MPZ: variants seen among roughly 807,000 people sequenced by gnomAD.
The protein encoded by MPZ is myelin protein P0.
MPZ carries 13 observed loss-of-function variants against 27.9 expected under a neutral mutation model. The ratio of observed to expected loss-of-function variants is 0.47; its 90% CI spans 0.30 to 0.74. The LOEUF is 0.74. MPZ is among the 30% of genes least tolerant of loss of function. The pLI is 0.06. For synonymous variants in MPZ, 118 were observed against 128.9 expected (o/e 0.92, Z 0.57); for missense variants, 256 against 317.5 (o/e 0.81, Z 1.47).
chr1:161,306,549 G>A, intron 3 of MPZ, 85 bp from the exon 4 acceptor site: 3 of 1,578,174 alleles, frequency 1.9e-6, no homozygotes, highest in Non-Finnish European at 1.7e-6. Flanking sequence ...CTGCATTGAG[G>A]ATGTAGGACT....
At chr1:161,308,939 T>C (rs1318982228) in intron 1 of MPZ, among the ~76,000 whole-genome samples, 1 of 152,144 alleles carries the variant, frequency 6.6e-6, no homozygotes, top group Non-Finnish European at 1.5e-5. Context: ...CCCTGGGCAT[T>C]CTGGCCAGCC....
In MPZ at chr1:161,305,961, G is replaced by T. The variant is rs1040557288; in HGVS notation, c.662C>A (p.Ala221Glu). Residue 221 changes from alanine to glutamate, a missense_variant, in exon 6 of 6, where the codon GCA becomes GAA. This residue lies in a region of MPZ where 101 missense variants were observed against 93.6 expected (regional missense o/e 1.08). Transcript: ENST00000533357. ...KRGRQTPVLYAMLDHSRSTKA... is the reference protein window; with the variant it reads ...KRGRQTPVLYEMLDHSRSTKA... ...GGTGCTTCTGCTGTGGTCCAGCATT[G>T]CATACAGCACTGGCGTCTGGGGGAG... 6.2e-7 allele frequency: 1 copy of T among 1,613,898 alleles called. No individual in the cohort carries two copies. Among genetic ancestry groups the T allele is most frequent in the African/African-American group, 1.3e-5 (1 of 75,004 alleles).
chr1:161,304,511 G>T (rs1205213449), downstream of MPZ, among the ~76,000 whole-genome samples: 1 of 152,182 alleles, frequency 6.6e-6, no homozygotes, highest in Non-Finnish European at 1.5e-5. Context: ...TCATGTAAAA[G>T]CAGAGACTGG....
At chr1:161,308,749 T>C (rs1234465228) in intron 1 of MPZ, among the ~76,000 whole-genome samples, 1 of 152,208 alleles carries the variant, frequency 6.6e-6, no homozygotes, top group Non-Finnish European at 1.5e-5. Flanking sequence ...AATGGTTCTA[T>C]GAGTGGAACA....
chr1:161,307,495 T>C lies in MPZ; in HGVS notation c.68-71A>G, dbSNP rs547294226. 3.2e-6 allele frequency: 5 copies of C among 1,581,794 alleles called. No homozygotes were observed. The African/African-American group carries it at 5.4e-5, about 17-fold the overall frequency. On this transcript the variant is annotated intron_variant, in intron 1 of 5. Transcript: ENST00000533357. ...AGGGATACAGAGGAAGTGAGATCAG[T>C]AGGAAATCAAGTGCTGAGTCACAGG...
At chr1:161,309,552 A>ATTTTTTTTTTTTTTTTTTTTTTTTTT (rs1215409194) in intron 1 of MPZ, among the ~76,000 whole-genome samples, 3 of 80,658 alleles carry the variant, frequency 3.7e-5, no homozygotes, top group Non-Finnish European at 7.1e-5. Context: ...ATATATATAT[A>ATTTTTTTTTTTTTTTTTTTTTTTTTT]TTTTTTTTTT....
chr1:161,306,056 C>A, intron 5 of MPZ, 52 bp downstream of exon 5: 1 of 1,611,530 alleles, frequency 6.2e-7, no homozygotes, highest in Non-Finnish European at 8.5e-7. Context: ...TGCTGCCCGG[C>A]GGCTCCCAGG....
Position 161,306,936 on chromosome 1 carries a change from G to C in MPZ, c.235-15C>G. 6.3e-7 allele frequency: 1 copy of C among 1,596,148 alleles called. No individual in the cohort carries two copies. Among genetic ancestry groups the C allele is most frequent in the Non-Finnish European group, 8.6e-7 (1 of 1,166,260 alleles). ...TAGTGGAAGATCTATGAGGAATGAG[G>C]GGAAGCATGTGAGAGGACCCTAATG... On this transcript the variant is annotated splice_polypyrimidine_tract_variant and intron_variant, in intron 2 of 5. Coordinates refer to ENST00000533357, the MANE Select transcript of MPZ (RefSeq NM_000530.8).
At chr1:161,307,220 TTC>T (rs1670281566) in intron 2 of MPZ, 36 bp downstream of exon 2, 8 of 1,613,638 alleles carry the variant, frequency 5.0e-6, no homozygotes, top group Non-Finnish European at 5.1e-6. Context: ...TTGAAGCACT[TTC>T]TGTTATCCAA....
At position 161,307,258 on chromosome 1, in the gene MPZ, C is replaced by T. The variant is rs368149365; in HGVS notation, c.234G>A (p.Ser78=). 31 of 1,614,086 alleles carry T rather than the reference C, an allele frequency of 1.9e-5. No individual in the cohort carries two copies. The highest frequency in any genetic ancestry group is 4.4e-5 in the South Asian group (4 of 91,082). Residue 78 remains serine (S), a splice_region_variant and synonymous_variant, in exon 2 of 6, where the codon TCG becomes TCA. Transcript: ENST00000533357. The stretch of plus-strand genomic sequence containing the variant: ...CCCCAGGATTCCCCCAGGCACTCAC[C>T]GAAATGGCATCTCTGCCCCCTTCGG... ...YQPEGGRDAI[S]IFHYAKGQPY...
At position 161,309,548 on chromosome 1, in the gene MPZ, A is replaced by AT. The variant is rs1482171465; in HGVS notation, c.67+290dup. ...TTTTTTTCTTTTCATATATATATAT[A>AT]TATATTTTTTTTTTTTTTGAATTTT... On this transcript the variant is annotated intron_variant, in intron 1 of 5. Transcript: ENST00000533357. 3.7e-4 allele frequency among the ~76,000 whole-genome samples: 27 copies of AT among 73,290 alleles called. No homozygotes were observed. The South Asian group carries it at 5.9e-3, about 16-fold the overall frequency. The allele number at this position is 73,290 out of a possible 152,430, so 48.1% of individuals were successfully genotyped here.
At chr1:161,309,751 G>T in intron 1 of MPZ, 88 bp downstream of exon 1, 2 of 1,043,236 alleles carry the variant, frequency 1.9e-6, no homozygotes, top group Admixed American at 2.0e-5. Flanking sequence ...TCTTTCTTTG[G>T]TTGCAGTGGG....
chr1:161,304,528 T>G (rs994287651), downstream of MPZ, among the ~76,000 whole-genome samples: 2 of 152,168 alleles, frequency 1.3e-5, no homozygotes, highest in Admixed American at 1.3e-4. Context: ...CTGGCAGAGT[T>G]TACAACGTAG....
chr1:161,307,920 A>G (rs1330724936), intron 1 of MPZ, among the ~76,000 whole-genome samples: 1 of 152,242 alleles, frequency 6.6e-6, no homozygotes, highest in East Asian at 1.9e-4. Flanking sequence ...TATCCATTTA[A>G]TATGAATCAA....
chr1:161,306,345 G>T lies in MPZ; in HGVS notation c.568C>A (p.Leu190Met). ...GCCCCTTACCTGAGCCTCCTCTGCA[G>T]GGCCGCCTGCCTGCGTAGCCAGCAG... Reference protein sequence around the residue: ...RYCWLRRQAALQRRLSAMEKG... With the variant: ...RYCWLRRQAAMQRRLSAMEKG... Residue 190 changes from leucine to methionine, a missense_variant, in exon 4 of 6, where the codon CTG becomes ATG. Coordinates refer to ENST00000533357, the MANE Select transcript of MPZ (RefSeq NM_000530.8). 6.2e-7 allele frequency: 1 copy of T among 1,614,216 alleles called. No individual in the cohort carries two copies. The highest frequency in any genetic ancestry group is 1.3e-5 in the African/African-American group (1 of 75,058).
At position 161,305,751 on chromosome 1, in the gene MPZ, T is replaced by G; in HGVS notation, c.*125A>C. On this transcript the variant is annotated 3_prime_UTR_variant, in exon 6 of 6. Coordinates refer to ENST00000533357, the MANE Select transcript of MPZ (RefSeq NM_000530.8). ...TTTGAGGCTGGTTCTGCTGGGGGAC[T>G]TGACAGCAGGCCGGAGCTCCGGGCT... 1 of 700,342 alleles carries G rather than the reference T, an allele frequency of 1.4e-6. No individual in the cohort carries two copies. The allele number at this position is 700,342 out of a possible 1,614,324, so 43.4% of individuals were successfully genotyped here.
intron 4 of MPZ, 75 bp downstream of exon 4, chr1:161,306,254 C>CA: frequency 6.2e-7 from 1 of 1,612,360 alleles, no homozygotes; most frequent in Non-Finnish European, 8.5e-7. Context: ...TTGGCCCTCC[C>CA]ACCCACTGGA....
chr1:161,306,297 GA>G, intron 4 of MPZ, 31 bp downstream of exon 4: 1 of 1,613,936 alleles, frequency 6.2e-7, no homozygotes, highest in Non-Finnish European at 8.5e-7. Context: ...ATAGTGGGGA[GA>G]GGGGGAGGGG....
chr1:161,304,262 C>A (rs569861081), downstream of MPZ, among the ~76,000 whole-genome samples: 2 of 152,102 alleles, frequency 1.3e-5, no homozygotes, highest in African/African-American at 4.8e-5. Context: ...ATATTGAACA[C>A]CTTAATATTT....
Sources: allele counts gnomAD v4.1 joint callset (sites outside exome capture counted in the v4.1 genomes callset), GRCh38; gene constraint gnomAD v4.1.1; regional missense constraint gnomAD v4.1.1; transcripts MANE v1.5; gene names NCBI Gene and HGNC (gene_info 2026-07-23, HGNC 2026-07-21).